The following COQ9 variants were observed in gnomAD, a reference collection of about 807,000 sequenced individuals.
COQ9 encodes the protein ubiquinone biosynthesis protein COQ9, mitochondrial.
A neutral mutation model predicts 42.4 loss-of-function variants in COQ9; 35 were observed. That is an observed-to-expected ratio of 0.83 (90% CI 0.63 to 1.10). COQ9 has a LOEUF of 1.10. COQ9 is among the 50% of genes least tolerant of loss of function. The probability of loss-of-function intolerance (pLI) is 0.00; values close to 1 mark genes in which losing one functional copy is unlikely to be tolerated. For missense variants in COQ9, 406 were observed against 414.6 expected (o/e 0.98, Z 0.18); for synonymous variants, 155 against 155.1 (o/e 1.00, Z 0.00).
rs139608724 is a variant in COQ9, at chr16:57,455,356, C to CGCAT, written c.379-1148_379-1147insGCAT. On this transcript the variant is annotated intron_variant, in intron 3 of 8. Transcript: ENST00000262507. ...GCTGGACTAGAGATACACATTTGGG[C>CGCAT]ATATATATATATATATACAGTATAT... is the stretch of plus-strand genomic sequence containing the variant. Among the ~76,000 whole-genome samples the CGCAT allele has an allele frequency of 2.1e-5, 3 of 143,338 alleles. No homozygotes were observed. In the South Asian group the frequency reaches 6.6e-4, roughly 31 times the overall value. The allele number at this position is 143,338 out of a possible 152,430, so 94.0% of individuals were successfully genotyped here.
chr16:57,448,316 G>A (rs2146582736), intron 1 of COQ9, among the ~76,000 whole-genome samples: 1 of 151,712 alleles, frequency 6.6e-6, no homozygotes, highest in African/African-American at 2.4e-5. Flanking sequence ...TTGATATTTT[G>A]GCACATACTA....
intron 3 of COQ9, 32 bp from the exon 4 acceptor site, chr16:57,456,472 C>T (rs201630061): frequency 6.2e-6 from 10 of 1,613,454 alleles, no homozygotes; most frequent in African/African-American, 5.3e-5. Context: ...ACTTGGGCAC[C>T]GCTTTTCTGT....
chr16:57,459,982 T>A (rs1409849759), intron 7 of COQ9, 69 bp from the exon 8 acceptor site: 1 of 1,490,740 alleles, frequency 6.7e-7, no homozygotes, highest in Non-Finnish European at 9.3e-7. Context: ...GCCTCCTGAT[T>A]TGTCCTGCCT....
Position 57,451,133 on chromosome 16 carries a change from A to T in COQ9, c.167A>T (p.Asn56Ile). 1 of 1,614,060 alleles carries T rather than the reference A, an allele frequency of 6.2e-7. No homozygotes were observed. The highest frequency in any genetic ancestry group is 2.2e-5 in the East Asian group (1 of 44,890). The change falls in exon 2 of 9, where the codon AAC (asparagine) becomes ATC (isoleucine). Residue 56 changes from asparagine to isoleucine, a missense_variant. Physicochemically the swap from Asn to Ile is moderately radical, Grantham distance 149. Transcript: ENST00000262507. ...GATGAGCAGAAGCAGCAGCCTCCCAACTCATTTTCTCAGCAGCATTCTGAG... is the reference window on the plus strand; with the variant it reads ...GATGAGCAGAAGCAGCAGCCTCCCATCTCATTTTCTCAGCAGCATTCTGAG... The part of the protein sequence containing the change: ...SSDEQKQQPP[N>I]SFSQQHSETQ...
At chr16:57,449,973 A>G (rs531287896) in intron 1 of COQ9, among the ~76,000 whole-genome samples, 1 of 152,244 alleles carries the variant, frequency 6.6e-6, no homozygotes, top group South Asian at 2.1e-4. Flanking sequence ...CTTTGATGCT[A>G]AAATGTTTAG....
At chr16:57,460,258 C>G (rs2030504643) in intron 8 of COQ9, among the ~76,000 whole-genome samples, 154 bp downstream of exon 8, 1 of 152,136 alleles carries the variant, frequency 6.6e-6, no homozygotes, top group Non-Finnish European at 1.5e-5. Context: ...GTCTTGATTC[C>G]AAAAACCTCA....
intron 5 of COQ9, 87 bp downstream of exon 5, chr16:57,457,102 C>CT (rs1345722627): frequency 1.0e-6 from 1 of 992,050 alleles, no homozygotes; most frequent in South Asian, 1.3e-5. Context: ...ACTTTGTACA[C>CT]TGTTCAGAAC....
At chr16:57,455,068 A>G (rs1303489491) in intron 3 of COQ9, among the ~76,000 whole-genome samples, 1 of 152,182 alleles carries the variant, frequency 6.6e-6, no homozygotes, top group Admixed American at 6.6e-5. Context: ...CCAGACATAC[A>G]GGAGAGATGA....
At chr16:57,448,133 G>A (rs2030176317) in intron 1 of COQ9, among the ~76,000 whole-genome samples, 1 of 152,066 alleles carries the variant, frequency 6.6e-6, no homozygotes, top group Admixed American at 6.5e-5. Flanking sequence ...TAATTAGAAC[G>A]TATGCATTAA....
At chr16:57,452,681 C>T in intron 2 of COQ9, 120 bp from the exon 3 acceptor site, 1 of 1,190,924 alleles carries the variant, frequency 8.4e-7, no homozygotes, top group Non-Finnish European at 1.3e-6. Flanking sequence ...TTGATAGTGA[C>T]ACAAGAGTAA....
chr16:57,456,416 A>C, intron 3 of COQ9, 88 bp from the exon 4 acceptor site: 1 of 1,459,922 alleles, frequency 6.8e-7, no homozygotes, highest in South Asian at 1.1e-5. Flanking sequence ...AGCTGCTGTC[A>C]CTAGGAAGAG....
chr16:57,450,412 CA>C (rs59815351), intron 1 of COQ9, among the ~76,000 whole-genome samples: 20,956 of 92,218 alleles, frequency 0.23, 1,514 homozygotes, highest in African/African-American at 0.42. Context: ...GAGACTCTGA[CA>C]AAAAAAAAAA....
At chr16:57,448,346 T>A (rs1450221039) in intron 1 of COQ9, among the ~76,000 whole-genome samples, 1 of 146,444 alleles carries the variant, frequency 6.8e-6, no homozygotes, top group African/African-American at 2.5e-5. Context: ...TTTTTTTTCT[T>A]TTTTTTTTTT....
intron 6 of COQ9, among the ~76,000 whole-genome samples, chr16:57,458,996 G>A (rs1275939176): frequency 5.3e-5 from 8 of 152,234 alleles, no homozygotes; most frequent in Non-Finnish European, 1.0e-4. Context: ...AACAGAGACG[G>A]TAGGAAAATG....
intron 2 of COQ9, among the ~76,000 whole-genome samples, 185 bp downstream of exon 2, chr16:57,451,393 A>G (rs936574106): frequency 2.0e-5 from 3 of 152,082 alleles, no homozygotes; most frequent in Non-Finnish European, 4.4e-5. Context: ...ACTGGTCTCA[A>G]ACTCCTAGAT....
chr16:57,449,659 A>G (rs1253209346), intron 1 of COQ9, among the ~76,000 whole-genome samples: 2 of 152,108 alleles, frequency 1.3e-5, no homozygotes, highest in Non-Finnish European at 2.9e-5. Context: ...ATACACACAC[A>G]TATATAGTCC....
At chr16:57,454,639 CAG>C (rs1469497892) in intron 3 of COQ9, among the ~76,000 whole-genome samples, 1 of 152,140 alleles carries the variant, frequency 6.6e-6, no homozygotes, top group Admixed American at 6.5e-5. Flanking sequence ...GCCTGGGCAA[CAG>C]AGTGAGACCT....
In COQ9 at chr16:57,447,598, G is replaced by T. The variant is rs2030155177; in HGVS notation, c.73+20G>T. ...TGCCCGGTGAGGGGGCTGCCAAGCCGGGGAGAGGCGGGGAGCGCGGAGGGG... is the reference window on the plus strand; with the variant it reads ...TGCCCGGTGAGGGGGCTGCCAAGCCTGGGAGAGGCGGGGAGCGCGGAGGGG... On this transcript the variant is annotated intron_variant, in intron 1 of 8. Transcript: ENST00000262507. 1 of 1,246,520 alleles carries T rather than the reference G, an allele frequency of 8.0e-7. No individual in the cohort carries two copies. Among genetic ancestry groups the T allele is most frequent in the African/African-American group, 1.5e-5 (1 of 64,656 alleles). 77.2% of individuals were successfully genotyped at this position (1,246,520 alleles called of 1,614,324 possible). A position where few individuals can be genotyped will look rare whatever the true frequency, so the allele number is the denominator to read the frequency against.
At chr16:57,449,774 T>C (rs1004708897) in intron 1 of COQ9, among the ~76,000 whole-genome samples, 17 of 152,132 alleles carry the variant, frequency 1.1e-4, no homozygotes, top group Admixed American at 1.0e-3. Flanking sequence ...TTCAGAACAG[T>C]ATGAATGGGG....
Sources: gnomAD v4.1 joint callset for allele counts (sites outside exome capture counted in the v4.1 genomes callset) on GRCh38, gnomAD v4.1.1 for gene constraint, MANE v1.5 for transcripts, NCBI Gene and HGNC (gene_info 2026-07-23, HGNC 2026-07-21) for gene names.